ADD1: variants seen among roughly 807,000 people sequenced by gnomAD.
ADD1 encodes adducin 1.
ADD1 carries 24 observed loss-of-function variants against 80.5 expected under a neutral mutation model. The ratio of observed to expected loss-of-function variants is 0.30; its 90% confidence interval spans 0.22 to 0.42. The LOEUF is 0.42. Ranked by LOEUF, ADD1 falls within the 10% of genes least tolerant of loss-of-function variation. The pLI is 1.00. For missense variants in ADD1, 948 were observed against 1,019.0 expected (o/e 0.93, Z 0.95); for synonymous variants, 373 against 393.8 (o/e 0.95, Z 0.63).
At chr4:2,904,545 A>T in intron 9 of ADD1, 1 of 585,908 alleles carries the variant, frequency 1.7e-6, no homozygotes, top group Non-Finnish European at 3.0e-6. Flanking sequence ...GTTGTTTCCA[A>T]TTGTGGTTTA....
intron 8 of ADD1, chr4:2,898,981 T>G (rs752341964): frequency 5.0e-5 from 22 of 435,900 alleles, no homozygotes; most frequent in Non-Finnish European, 7.8e-5. Flanking sequence ...TCTTGACTTA[T>G]GTCTGTGGCG....
intron 1 of ADD1, among the ~76,000 whole-genome samples, chr4:2,865,621 T>G (rs1729435089): frequency 6.6e-6 from 1 of 152,218 alleles, no homozygotes; most frequent in Admixed American, 6.5e-5. Context: ...ACTGCCTGTT[T>G]GTTTTTTGTG....
At chr4:2,928,091 G>A (rs1245179797) in intron 15 of ADD1, 80 bp from the exon 16 acceptor site, 1 of 1,275,944 alleles carries the variant, frequency 7.8e-7, no homozygotes, top group East Asian at 2.3e-5. Context: ...GCAGTTTCGT[G>A]TGTGGGGCTC....
At chr4:2,899,479 A>C (rs1735811350) in intron 9 of ADD1, 44 bp downstream of exon 9, 12 of 1,609,678 alleles carry the variant, frequency 7.5e-6, no homozygotes, top group Admixed American at 1.7e-5. Flanking sequence ...TTTGTTCTAA[A>C]AGCATCAGTG....
At chr4:2,866,519 A>G (rs1329297104) in intron 1 of ADD1, among the ~76,000 whole-genome samples, 2 of 152,088 alleles carry the variant, frequency 1.3e-5, no homozygotes, top group Admixed American at 1.3e-4. Context: ...GATGAAAACA[A>G]ATTTTGTTAA....
At chr4:2,871,154 G>A (rs2108869148) in intron 1 of ADD1, among the ~76,000 whole-genome samples, 1 of 151,996 alleles carries the variant, frequency 6.6e-6, no homozygotes, top group Non-Finnish European at 1.5e-5. Flanking sequence ...TGTATTTTTA[G>A]TAGAGATGGG....
intron 14 of ADD1, among the ~76,000 whole-genome samples, chr4:2,917,760 C>G (rs567702221): frequency 1.2e-4 from 19 of 152,344 alleles, no homozygotes; most frequent in Non-Finnish European, 2.4e-4. Flanking sequence ...GTTTTCCTAA[C>G]ACCATTTATT....
chr4:2,883,555 ATAAGT>A (rs1198111836), intron 3 of ADD1, among the ~76,000 whole-genome samples: 1 of 151,816 alleles, frequency 6.6e-6, no homozygotes, highest in African/African-American at 2.4e-5. Context: ...TTATTTAGAG[ATAAGT>A]TCTTGCTCTT....
chr4:2,863,219 A>ATTT (rs34312305), intron 1 of ADD1, among the ~76,000 whole-genome samples: 2,668 of 123,716 alleles, frequency 0.022, 108 homozygotes, highest in African/African-American at 0.054. Flanking sequence ...CTAATTTTTA[A>ATTT]TTTTTTTTTT....
chr4:2,905,475 G>T, intron 10 of ADD1: 1 of 220,292 alleles, frequency 4.5e-6, no homozygotes. Context: ...TCCTAAACCT[G>T]TATTTTAGTG....
intron 14 of ADD1, among the ~76,000 whole-genome samples, chr4:2,915,422 C>T (rs1457832958): frequency 2.0e-5 from 3 of 152,172 alleles, no homozygotes; most frequent in South Asian, 2.1e-4. Context: ...GGGCGGATCA[C>T]GAGGTCAGGA....
chr4:2,923,018 C>T (rs954991261), intron 14 of ADD1, among the ~76,000 whole-genome samples: 2 of 152,258 alleles, frequency 1.3e-5, no homozygotes, highest in Non-Finnish European at 2.9e-5. Context: ...AGGTCGACTT[C>T]AGACTGCTGT....
chr4:2,888,072 A>T (rs1486944937), intron 4 of ADD1, among the ~76,000 whole-genome samples: 1 of 151,954 alleles, frequency 6.6e-6, no homozygotes, highest in East Asian at 1.9e-4. Context: ...TATTATTATT[A>T]TTTTTGAGAC....
chr4:2,889,232 G>A (rs908663906), intron 4 of ADD1, among the ~76,000 whole-genome samples: 9 of 152,200 alleles, frequency 5.9e-5, no homozygotes, highest in Non-Finnish European at 1.0e-4. Flanking sequence ...AGCTCAGCGG[G>A]GTGGGGGATG....
chr4:2,909,314 C>A, intron 12 of ADD1, 25 bp from the exon 13 acceptor site: 1 of 1,536,448 alleles, frequency 6.5e-7, no homozygotes, highest in South Asian at 1.2e-5. Context: ...CTGGTGTGCT[C>A]TGGTGACTCA....
chr4:2,910,426 C>G (rs570509890), intron 13 of ADD1, among the ~76,000 whole-genome samples: 2 of 152,292 alleles, frequency 1.3e-5, no homozygotes, highest in South Asian at 4.1e-4. Flanking sequence ...CTGTTTTTCC[C>G]TGTGCTTAGA....
In ADD1 at chr4:2,926,731, C is replaced by T. The variant is rs541912300; in HGVS notation, c.2047+619C>T. On this transcript the variant is annotated intron_variant, in intron 15 of 15. Transcript: ENST00000683351. This position sits in a 1 kb window ranked among gnomAD's most constrained non-coding sequence, Gnocchi z 5.0. Reference sequence around the variant, plus strand: ...GGTGCCCTGCGCTTTGCCTCATTCTCCTGCTTCTTTGTTGTTTATTAAGTT... The same window carrying T: ...GGTGCCCTGCGCTTTGCCTCATTCTTCTGCTTCTTTGTTGTTTATTAAGTT... 2.6e-6 allele frequency: 4 copies of T among 1,553,066 alleles called. No individual in the cohort carries two copies. The highest frequency in any genetic ancestry group is 2.7e-5 in the African/African-American group (2 of 73,078).
intron 9 of ADD1, chr4:2,902,046 C>T (rs780099510): frequency 5.3e-5 from 8 of 151,966 alleles, no homozygotes; most frequent in Admixed American, 6.6e-5. Context: ...TAAACTACCA[C>T]GCCTGACCCA....
At chr4:2,913,651 C>T (rs1357695513) in intron 13 of ADD1, among the ~76,000 whole-genome samples, 1 of 151,958 alleles carries the variant, frequency 6.6e-6, no homozygotes, top group Non-Finnish European at 1.5e-5. Context: ...GGTGGTAACC[C>T]CTCAGCCCAT....
Sources: allele counts gnomAD v4.1 joint callset (sites outside exome capture counted in the v4.1 genomes callset), GRCh38; gene constraint gnomAD v4.1.1; non-coding constraint Gnocchi (gnomAD v3.1); transcripts MANE v1.5; gene names NCBI Gene and HGNC (gene_info 2026-07-23, HGNC 2026-07-21).